Variants in AASDH observed in about 807,000 individuals in gnomAD.
AASDH encodes beta-alanine-activating enzyme.
Under a neutral mutation model 102.3 loss-of-function variants are expected in AASDH, and 81 were observed. The observed-to-expected ratio is 0.79, with a 90% CI of 0.66 to 0.95. The LOEUF (loss-of-function observed/expected upper bound fraction) is 0.95, where lower values mean the gene tolerates loss of function less well. Ranked by LOEUF, AASDH falls within the 40% of genes least tolerant of loss-of-function variation. The pLI, the probability that AASDH is intolerant of heterozygous loss-of-function variation, is 0.00. For synonymous variants in AASDH, 398 were observed against 454.0 expected (o/e 0.88, Z 1.57); for missense variants, 1,203 against 1,266.2 (o/e 0.95, Z 0.76).
intron 5 of AASDH, among the ~76,000 whole-genome samples, chr4:56,355,687 T>C (rs1267351850): frequency 6.8e-6 from 1 of 148,056 alleles, no homozygotes; most frequent in Non-Finnish European, 1.5e-5. Context: ...AGCATGACCA[T>C]GGCTCACTGC....
chr4:56,382,509 T>A lies in AASDH; in HGVS notation c.319A>T (p.Lys107Ter), dbSNP rs761664286. 6 of 1,596,334 alleles carry A rather than the reference T, an allele frequency of 3.8e-6. No homozygotes were observed. The highest frequency in any genetic ancestry group is 5.1e-6 in the Non-Finnish European group (6 of 1,165,296). The part of the protein sequence containing the change: ...STHFMKKCNL[K>*]YILVEKKQIN... Reference sequence around the variant, plus strand: ...TGTTTTTTTTCAACAAGGATATACTTTAGATTACATTTTTTCATAAAATGA... The same window carrying A: ...TGTTTTTTTTCAACAAGGATATACTATAGATTACATTTTTTCATAAAATGA... The change falls in exon 3 of 15, where the codon AAG (lysine) becomes TAG (stop). Residue 107 changes from lysine (K) to a stop codon, truncating the protein, a stop_gained. Coordinates refer to ENST00000205214, the MANE Select transcript of AASDH (RefSeq NM_181806.4). LOFTEE classifies it high-confidence loss of function.
intron 11 of AASDH, among the ~76,000 whole-genome samples, chr4:56,348,066 A>C (rs1371522269): frequency 2.0e-5 from 3 of 151,788 alleles, no homozygotes; most frequent in African/African-American, 7.3e-5. Flanking sequence ...CAGGAGAATC[A>C]CTTGAACCCG....
intron 4 of AASDH, among the ~76,000 whole-genome samples, chr4:56,377,452 A>C (rs911572159): frequency 6.6e-6 from 1 of 152,248 alleles, no homozygotes; most frequent in African/African-American, 2.4e-5. Context: ...AGCCTTCAAC[A>C]GGGCATACCA....
chr4:56,349,182 T>A (rs2109870602), intron 11 of AASDH, 81 bp downstream of exon 11: 2 of 1,438,796 alleles, frequency 1.4e-6, no homozygotes, highest in East Asian at 2.4e-5. Context: ...TTTAGATTTT[T>A]AAAAAATTTA....
chr4:56,365,751 C>A (rs1022794837), intron 5 of AASDH, among the ~76,000 whole-genome samples: 20 of 152,020 alleles, frequency 1.3e-4, no homozygotes, highest in Admixed American at 9.2e-4. Context: ...GCACTAAATG[C>A]CCACAAGAGA....
At chr4:56,356,187 T>C (rs562892560) in intron 5 of AASDH, 2 of 732,180 alleles carry the variant, frequency 2.7e-6, no homozygotes, top group Admixed American at 1.8e-5. Flanking sequence ...CCTGCTGTTG[T>C]GAAGAAGCAG....
chr4:56,353,616 A>C lies in AASDH; in HGVS notation c.1384-20T>G. On this transcript the variant is annotated intron_variant, in intron 8 of 14. Coordinates refer to ENST00000205214, the MANE Select transcript of AASDH (RefSeq NM_181806.4). ...AGCAACCTATAAGAGAGATTATCCT[A>C]ATTTGCCAATGAGGATATTTACAAA... 1 of 1,555,580 alleles carries C rather than the reference A, an allele frequency of 6.4e-7. No individual in the cohort carries two copies. The highest frequency in any genetic ancestry group is 8.6e-7 in the Non-Finnish European group (1 of 1,159,392).
At chr4:56,350,192 C>G in intron 10 of AASDH, 134 bp from the exon 11 acceptor site, 5 of 843,176 alleles carry the variant, frequency 5.9e-6, no homozygotes, top group Non-Finnish European at 8.8e-6. Context: ...CAGTGGCTCA[C>G]GCCTGTAATC....
At chr4:56,347,808 TATCTC>T (rs1748492868) in intron 11 of AASDH, among the ~76,000 whole-genome samples, 1 of 152,110 alleles carries the variant, frequency 6.6e-6, no homozygotes, top group East Asian at 1.9e-4. Flanking sequence ...CATAAACAGT[TATCTC>T]ATTTAATCCT....
chr4:56,368,167 A>T (rs1751252735), intron 5 of AASDH, among the ~76,000 whole-genome samples: 1 of 152,246 alleles, frequency 6.6e-6, no homozygotes, highest in Non-Finnish European at 1.5e-5. Flanking sequence ...AACCACAATG[A>T]GATACCATCT....
intron 3 of AASDH, among the ~76,000 whole-genome samples, chr4:56,381,232 AG>A (rs1160614838): frequency 6.6e-6 from 1 of 152,208 alleles, no homozygotes; most frequent in Non-Finnish European, 1.5e-5. Flanking sequence ...TTTGAGGAGT[AG>A]AGGAAATTTC....
At chr4:56,379,917 A>T (rs1347999659) in intron 3 of AASDH, among the ~76,000 whole-genome samples, 1 of 152,132 alleles carries the variant, frequency 6.6e-6, no homozygotes, top group African/African-American at 2.4e-5. Flanking sequence ...ATGAGATGCA[A>T]ATCCTTAATA....
At chr4:56,377,804 T>TTTTTG (rs879885977) in intron 4 of AASDH, among the ~76,000 whole-genome samples, 1 of 152,164 alleles carries the variant, frequency 6.6e-6, no homozygotes, top group African/African-American at 2.4e-5. Context: ...AATACAAGGT[T>TTTTTG]TTTTGTTTTG....
chr4:56,342,043 C>T (rs138169017), intron 14 of AASDH, among the ~76,000 whole-genome samples: 2,320 of 139,404 alleles, frequency 0.017, 73 homozygotes, highest in African/African-American at 0.058. Flanking sequence ...ACCCGTGAGG[C>T]GGAGGTTGCA....
intron 5 of AASDH, among the ~76,000 whole-genome samples, chr4:56,355,727 T>A (rs1749560830): frequency 1.3e-5 from 2 of 149,274 alleles, no homozygotes; most frequent in Non-Finnish European, 3.0e-5. Flanking sequence ...CAAGTCATCA[T>A]CCCACCTCAG....
chr4:56,338,307 A>AATC lies in AASDH; in HGVS notation c.*92_*94dup, dbSNP rs1417837762. The AATC allele has an allele frequency of 9.2e-7, 1 of 1,090,370 alleles. No individual in the cohort carries two copies. Among genetic ancestry groups the AATC allele is most frequent in the Non-Finnish European group, 1.3e-6 (1 of 782,114 alleles). The allele number at this position is 1,090,370 out of a possible 1,614,324, so 67.5% of individuals were successfully genotyped here. On this transcript the variant is annotated 3_prime_UTR_variant, in exon 15 of 15. Transcript: ENST00000205214. The stretch of plus-strand genomic sequence containing the variant: ...AGTTTCCGTTTCTTAGCCAAAATAT[A>AATC]ATCTTCTTTAATATAAAATAAGTCC...
chr4:56,384,461 G>C, intron 1 of AASDH, 120 bp from the exon 2 acceptor site: 1 of 589,908 alleles, frequency 1.7e-6, no homozygotes, highest in Non-Finnish European at 3.0e-6. Flanking sequence ...ATATATAAAT[G>C]AAGAATCTCT....
chr4:56,359,968 G>A (rs981262441), intron 5 of AASDH, among the ~76,000 whole-genome samples: 5 of 152,164 alleles, frequency 3.3e-5, no homozygotes, highest in African/African-American at 7.2e-5. Flanking sequence ...TCCAAATGTG[G>A]AAAGTCTGTC....
chr4:56,342,791 A>ATATATAAAAATG, intron 14 of AASDH, 44 bp downstream of exon 14: 1 of 751,216 alleles, frequency 1.3e-6, no homozygotes, highest in Non-Finnish European at 1.7e-6. Context: ...ATACATTTAT[A>ATATATAAAAATG]TATATATAAA....
Sources: allele counts gnomAD v4.1 joint callset (sites outside exome capture counted in the v4.1 genomes callset), GRCh38; gene constraint gnomAD v4.1.1; transcripts MANE v1.5; gene names NCBI Gene and HGNC (gene_info 2026-07-23, HGNC 2026-07-21).